Variants in BEND6 observed in about 807,000 individuals in gnomAD.
The protein encoded by BEND6 is BEN domain-containing protein 6.
Under a neutral mutation model 31.8 loss-of-function variants are expected in BEND6, and 24 were observed. The observed-to-expected ratio is 0.75, with a 90% CI of 0.55 to 1.06. BEND6 has a LOEUF of 1.06. Ranked by LOEUF, BEND6 falls within the 50% of genes least tolerant of loss-of-function variation. The pLI is 0.00. For missense variants in BEND6, 294 were observed against 327.4 expected (o/e 0.90, Z 0.79); for synonymous variants, 109 against 114.6 (o/e 0.95, Z 0.31).
intron 1 of BEND6, among the ~76,000 whole-genome samples, chr6:56,976,683 G>A (rs987678878): frequency 6.6e-6 from 1 of 152,140 alleles, no homozygotes; most frequent in African/African-American, 2.4e-5. Flanking sequence ...CCCTGCCTCA[G>A]CCTCCTGAGT....
intron 3 of BEND6, among the ~76,000 whole-genome samples, chr6:56,997,130 G>A (rs904255795): frequency 6.6e-6 from 1 of 152,038 alleles, no homozygotes; most frequent in Admixed American, 6.6e-5. Flanking sequence ...CAGACACACT[G>A]GACCACTTAC....
intron 3 of BEND6, among the ~76,000 whole-genome samples, chr6:56,998,740 AG>A (rs1826817757): frequency 6.6e-6 from 1 of 151,280 alleles, no homozygotes; most frequent in South Asian, 2.1e-4. Context: ...CCAAGAGCAT[AG>A]GCAACAAAAG....
At chr6:56,957,605 C>T (rs1311313047) in intron 1 of BEND6, among the ~76,000 whole-genome samples, 1 of 152,062 alleles carries the variant, frequency 6.6e-6, no homozygotes, top group Non-Finnish European at 1.5e-5. Flanking sequence ...GAATAATTGA[C>T]ATTGTATAAA....
At chr6:57,006,034 C>T (rs913364383) in intron 3 of BEND6, among the ~76,000 whole-genome samples, 3 of 152,154 alleles carry the variant, frequency 2.0e-5, no homozygotes, top group Non-Finnish European at 4.4e-5. Context: ...ATCCTAAAAG[C>T]AGTGTGGCGT....
At chr6:57,022,679 C>T (rs1671448697) in intron 6 of BEND6, among the ~76,000 whole-genome samples, 1 of 151,786 alleles carries the variant, frequency 6.6e-6, no homozygotes, top group South Asian at 2.1e-4. Context: ...TAGGTTTAGG[C>T]TCCGTTTGTT....
intron 3 of BEND6, among the ~76,000 whole-genome samples, chr6:57,001,171 T>G (rs76000648): frequency 5.1e-5 from 7 of 137,132 alleles, no homozygotes; most frequent in African/African-American, 1.9e-4. Context: ...TTTTTTTTTT[T>G]TGGAGACAGG....
intron 3 of BEND6, among the ~76,000 whole-genome samples, chr6:57,007,755 G>A (rs1827211491): frequency 6.6e-6 from 1 of 152,182 alleles, no homozygotes; most frequent in African/African-American, 2.4e-5. Context: ...CTGTGATCAT[G>A]CCACTTTGTT....
intron 1 of BEND6, among the ~76,000 whole-genome samples, chr6:56,959,945 C>A (rs1825230483): frequency 6.6e-6 from 1 of 152,100 alleles, no homozygotes; most frequent in Non-Finnish European, 1.5e-5. Context: ...GAGGGGAGTT[C>A]TTTTTGGGTG....
At chr6:57,024,039 C>G (rs371997266) in intron 6 of BEND6, among the ~76,000 whole-genome samples, 2 of 152,084 alleles carry the variant, frequency 1.3e-5, no homozygotes, top group African/African-American at 4.8e-5. Context: ...TAAAAGATGA[C>G]GATTTTTATT....
At chr6:56,990,903 G>GTATC (rs1826473886) in intron 2 of BEND6, among the ~76,000 whole-genome samples, 1 of 152,128 alleles carries the variant, frequency 6.6e-6, no homozygotes, top group South Asian at 2.1e-4. Context: ...ACAAATGACA[G>GTATC]TATCTCTGAA....
Position 56,958,089 on chromosome 6 carries a change from C to T in BEND6, c.-101+2629C>T, listed in dbSNP as rs576235686. Among the ~76,000 whole-genome samples the T allele has an allele frequency of 2.6e-5, 4 of 152,200 alleles. No individual in the cohort carries two copies. The East Asian group carries it at 5.8e-4, about 22-fold the overall frequency. On this transcript the variant is annotated intron_variant, in intron 1 of 6. Coordinates refer to ENST00000370746, the MANE Select transcript of BEND6 (RefSeq NM_152731.3). The stretch of plus-strand genomic sequence containing the variant: ...GAAGGAACCCAACCTGTTCAAATTC[C>T]GGCATAAACACCAAAGGCAAAGGGA...
chr6:56,996,527 T>G (rs1310714687), intron 3 of BEND6, among the ~76,000 whole-genome samples: 1 of 152,094 alleles, frequency 6.6e-6, no homozygotes, highest in Non-Finnish European at 1.5e-5. Context: ...ATTTCCTGCC[T>G]GGGCCTCTCT....
intron 3 of BEND6, chr6:57,014,525 T>TGTAA (rs1286373345): frequency 1.5e-5 from 23 of 1,514,884 alleles, no homozygotes; most frequent in African/African-American, 2.8e-5. Flanking sequence ...ACTTTGAATG[T>TGTAA]GTAAGTTTCC....
chr6:57,005,211 G>A (rs1827111611), intron 3 of BEND6, among the ~76,000 whole-genome samples: 1 of 151,908 alleles, frequency 6.6e-6, no homozygotes, highest in African/African-American at 2.4e-5. Flanking sequence ...GTTTTAAAAA[G>A]TCAGTAATTT....
intron 2 of BEND6, among the ~76,000 whole-genome samples, chr6:56,984,348 A>G (rs886838355): frequency 6.6e-6 from 1 of 152,220 alleles, no homozygotes; most frequent in African/African-American, 2.4e-5. Context: ...TTGACTAGAT[A>G]TTATAAAATT....
chr6:56,956,741 A>G (rs1825087961), intron 1 of BEND6, among the ~76,000 whole-genome samples: 1 of 152,230 alleles, frequency 6.6e-6, no homozygotes, highest in Non-Finnish European at 1.5e-5. Context: ...AGGTAGCACT[A>G]CATCATGTGC....
chr6:56,956,088 C>T (rs1323297706), intron 1 of BEND6, among the ~76,000 whole-genome samples: 3 of 152,246 alleles, frequency 2.0e-5, no homozygotes, highest in South Asian at 2.1e-4. Context: ...TGCTGTGCCG[C>T]GTTCTGCTGC....
chr6:56,977,432 G>A (rs1825915919), intron 1 of BEND6, among the ~76,000 whole-genome samples: 2 of 152,136 alleles, frequency 1.3e-5, no homozygotes, highest in South Asian at 4.1e-4. Context: ...TACTAATTGA[G>A]TACAACCTGA....
intron 1 of BEND6, among the ~76,000 whole-genome samples, chr6:56,957,760 A>G (rs1825141307): frequency 2.6e-5 from 4 of 152,210 alleles, no homozygotes; most frequent in Admixed American, 2.6e-4. Flanking sequence ...GTAAGTTATC[A>G]TTGTCACCCA....
Sources: gnomAD v4.1 joint callset for allele counts (sites outside exome capture counted in the v4.1 genomes callset) on GRCh38, gnomAD v4.1.1 for gene constraint, MANE v1.5 for transcripts, NCBI Gene and HGNC (gene_info 2026-07-23, HGNC 2026-07-21) for gene names.